KIF25: variants seen among roughly 807,000 people sequenced by gnomAD.
KIF25 encodes kinesin family member 25, also known as kinesin-like protein KIF25.
Under a neutral mutation model 32.9 loss-of-function variants are expected in KIF25, and 19 were observed. That is an observed-to-expected ratio of 0.58 (90% confidence interval 0.40 to 0.85). The LOEUF is 0.85. KIF25 is among the 40% of genes least tolerant of loss of function. The probability of loss-of-function intolerance (pLI) is 0.00; values close to 1 mark genes in which losing one functional copy is unlikely to be tolerated. For synonymous variants in KIF25, 225 were observed against 213.7 expected, an observed-to-expected ratio of 1.05 and a Z score of -0.46; for missense variants, 485 against 507.0, an observed-to-expected ratio of 0.96 and a Z score of 0.42.
chr6:168,036,147 A>C, intron 8 of KIF25: 1 of 184,910 alleles, frequency 5.4e-6, no homozygotes, highest in East Asian at 1.4e-4. Flanking sequence ...TACTGCCTGG[A>C]TTCCTTGGCT....
chr6:168,018,642 C>G (rs9355155), intron 5 of KIF25, among the ~76,000 whole-genome samples: 1 of 151,964 alleles, frequency 6.6e-6, no homozygotes, highest in Non-Finnish European at 1.5e-5. Context: ...GGCACTGGGT[C>G]GTGGTGTATT....
intron 4 of KIF25, among the ~76,000 whole-genome samples, chr6:168,016,097 C>A (rs534602301): frequency 1.2e-4 from 19 of 152,226 alleles, no homozygotes; most frequent in African/African-American, 4.6e-4. Flanking sequence ...TGAAAATATG[C>A]CGCGAGAAAG....
intron 5 of KIF25, among the ~76,000 whole-genome samples, chr6:168,020,290 A>G (rs1397928772): frequency 6.6e-6 from 1 of 152,200 alleles, no homozygotes; most frequent in Non-Finnish European, 1.5e-5. Flanking sequence ...CCTCTAAAGT[A>G]CGGAAAGAGA....
intron 5 of KIF25, among the ~76,000 whole-genome samples, chr6:168,019,801 C>T (rs1798764221): frequency 1.3e-5 from 2 of 152,166 alleles, no homozygotes; most frequent in South Asian, 4.1e-4. Context: ...GTTGCAGTCC[C>T]AAAAGGTGAC....
intron 9 of KIF25, 50 bp downstream of exon 9, chr6:168,038,779 C>A (rs886945797): frequency 2.5e-6 from 4 of 1,569,712 alleles, no homozygotes; most frequent in Admixed American, 3.4e-5. Context: ...GAGAATGGCA[C>A]CTGCCCCTCC....
At chr6:168,014,186 T>A (rs1240623776) in intron 4 of KIF25, among the ~76,000 whole-genome samples, 2 of 152,142 alleles carry the variant, frequency 1.3e-5, no homozygotes, top group Non-Finnish European at 2.9e-5. Context: ...ATTGCCTTTC[T>A]ACGCTTCCCT....
At chr6:168,026,873 G>T (rs1798867047) in intron 5 of KIF25, among the ~76,000 whole-genome samples, 1 of 152,198 alleles carries the variant, frequency 6.6e-6, no homozygotes, top group South Asian at 2.1e-4. Flanking sequence ...TTTACAATGT[G>T]ATATTCCTAA....
chr6:168,042,352 G>A (rs57022716), intron 11 of KIF25, among the ~76,000 whole-genome samples: 10 of 152,180 alleles, frequency 6.6e-5, no homozygotes, highest in South Asian at 2.1e-4. Context: ...TTCCTCACAC[G>A]GGCCCTCTGG....
chr6:168,035,389 G>A (rs1799002316), intron 8 of KIF25, among the ~76,000 whole-genome samples: 1 of 103,430 alleles, frequency 9.7e-6, no homozygotes, highest in Non-Finnish European at 2.2e-5. Context: ...ATTTGCCGAC[G>A]GAAGCATATC....
chr6:168,025,807 C>T (rs549931534), intron 5 of KIF25, among the ~76,000 whole-genome samples: 13 of 152,330 alleles, frequency 8.5e-5, no homozygotes, highest in African/African-American at 2.4e-4. Flanking sequence ...AAAGTATGAT[C>T]CTTTCCCCAC....
rs1798452897 is a variant in KIF25, at chr6:167,998,473, A to G, written c.-996A>G. 6.6e-6 allele frequency: 1 copy of G among 152,228 alleles called. No homozygotes were observed. The highest frequency in any genetic ancestry group is 6.5e-5 in the Admixed American group (1 of 15,282). The allele number at this position is 152,228 out of a possible 1,614,324, so 9.4% of individuals were successfully genotyped here. A position where few individuals can be genotyped will look rare whatever the true frequency, so the allele number is the denominator to read the frequency against. Reference sequence around the variant, plus strand: ...GGGTGGATAAACTTGCTGTGGATCCAAGACAAGATTTCAGAATGGATTTGG... The same window carrying G: ...GGGTGGATAAACTTGCTGTGGATCCGAGACAAGATTTCAGAATGGATTTGG... On this transcript the variant is annotated 5_prime_UTR_variant, in exon 1 of 13. Transcript: ENST00000643607.
chr6:168,031,662 T>C (rs1798944205), intron 7 of KIF25, among the ~76,000 whole-genome samples: 1 of 152,210 alleles, frequency 6.6e-6, no homozygotes, highest in African/African-American at 2.4e-5. Context: ...GAAATGGTTT[T>C]GAAAATGATA....
intron 11 of KIF25, 122 bp downstream of exon 11, chr6:168,042,273 C>T (rs1799135419): frequency 9.5e-7 from 1 of 1,047,422 alleles, no homozygotes; most frequent in African/African-American, 1.6e-5. Flanking sequence ...TCCCCCTCCA[C>T]AGGTGAGTTC....
intron 8 of KIF25, chr6:168,035,765 AATCC>A: frequency 2.2e-6 from 1 of 456,162 alleles, no homozygotes; most frequent in Non-Finnish European, 4.4e-6. Context: ...GCGGCACTGG[AATCC>A]CTCAGTCAGA....
chr6:168,000,971 T>C (rs552188149), intron 2 of KIF25, among the ~76,000 whole-genome samples: 12 of 152,352 alleles, frequency 7.9e-5, no homozygotes, highest in Admixed American at 7.8e-4. Context: ...GGTTCTACAG[T>C]GTGAAACAAG....
At chr6:168,035,838 C>T (rs1799017524) in intron 8 of KIF25, 1 of 447,440 alleles carries the variant, frequency 2.2e-6, no homozygotes, top group Non-Finnish European at 4.6e-6. Flanking sequence ...ACTCTCCCTA[C>T]ACCTCACCTT....
At chr6:168,037,394 T>C (rs990929987) in intron 8 of KIF25, among the ~76,000 whole-genome samples, 16 of 152,222 alleles carry the variant, frequency 1.1e-4, no homozygotes, top group African/African-American at 3.9e-4. Flanking sequence ...CACTGAGGAC[T>C]TCCCGCCCGG....
intron 6 of KIF25, 91 bp from the exon 7 acceptor site, chr6:168,030,682 C>T (rs1002130212): frequency 3.4e-5 from 29 of 858,922 alleles, no homozygotes; most frequent in African/African-American, 1.0e-4. Context: ...GGGAAGTACA[C>T]GGGGCGTTGT....
chr6:168,042,543 C>G lies in KIF25; in HGVS notation c.830-18C>G, dbSNP rs749450036. On this transcript the variant is annotated intron_variant, in intron 11 of 12. Transcript: ENST00000643607. ...TTTCTTGGTGCAAACGGTGATGGTGCGTGGCGGTCCTGTCCAGGTGTGTCT... is the reference window on the plus strand; with the variant it reads ...TTTCTTGGTGCAAACGGTGATGGTGGGTGGCGGTCCTGTCCAGGTGTGTCT... 1 of 1,606,546 alleles carries G rather than the reference C, an allele frequency of 6.2e-7. No homozygotes were observed. Among genetic ancestry groups the G allele is most frequent in the Non-Finnish European group, 8.5e-7 (1 of 1,175,578 alleles).
Sources: allele counts gnomAD v4.1 joint callset (sites outside exome capture counted in the v4.1 genomes callset), GRCh38; gene constraint gnomAD v4.1.1; transcripts MANE v1.5; gene names NCBI Gene and HGNC (gene_info 2026-07-23, HGNC 2026-07-21).